Variants in C10orf105 observed in about 807,000 individuals in gnomAD.
C10orf105 encodes uncharacterized protein C10orf105.
In C10orf105, 2 loss-of-function variants were observed where a neutral mutation model predicts 0.6. That is an observed-to-expected ratio of 3.18 (90% CI 1.30 to 10.01). C10orf105 has a LOEUF of 10.01. C10orf105 is among the 30% of genes most tolerant of loss of function. The pLI, the probability that C10orf105 is intolerant of heterozygous loss-of-function variation, is 0.04. For missense variants in C10orf105, 209 were observed against 191.4 expected (o/e 1.09, Z -0.54); for synonymous variants, 95 against 82.4 (o/e 1.15, Z -0.83).
At chr10:71,732,931 A>C (rs548930870) in intron 1 of C10orf105, among the ~76,000 whole-genome samples, 11 of 152,312 alleles carry the variant, frequency 7.2e-5, no homozygotes, top group African/African-American at 2.6e-4. Flanking sequence ...CTCACAGCTC[A>C]GTCCCTCCCA....
chr10:71,713,483 T>C lies in C10orf105; in HGVS notation c.*2453A>G. ...TGCCCACTGGGGCAGGCTCCCGGGC[T>C]TGGGAGGGACAGAAGCGTGGGAGGC... On this transcript the variant is annotated 3_prime_UTR_variant, in exon 2 of 2. Transcript: ENST00000441508. The C allele has an allele frequency of 3.5e-6, 2 of 574,964 alleles. No individual in the cohort carries two copies. The highest frequency in any genetic ancestry group is 3.1e-6 in the Non-Finnish European group (1 of 322,644). The allele number at this position is 574,964 out of a possible 1,614,324, so 35.6% of individuals were successfully genotyped here.
intron 1 of C10orf105, among the ~76,000 whole-genome samples, chr10:71,726,300 A>G (rs967781032): frequency 6.6e-6 from 1 of 152,112 alleles, no homozygotes; most frequent in Non-Finnish European, 1.5e-5. Flanking sequence ...CAGAGCAAGC[A>G]GGGACTTTCA....
Position 71,715,988 on chromosome 10 carries a change from C to G in C10orf105, c.350G>C (p.Gly117Ala), listed in dbSNP as rs765946262. ...ACAGTGGCTGCGGTTGTCCTCGGGGCCCGGCAGGGGCTGTCGAGGGACGGT... is the reference window on the plus strand; with the variant it reads ...ACAGTGGCTGCGGTTGTCCTCGGGGGCCGGCAGGGGCTGTCGAGGGACGGT... ...RPTVPRQPLP[G>A]PEDNRSHCDY... Residue 117 changes from glycine to alanine, a missense_variant, in exon 2 of 2, where the codon GGC (glycine) becomes GCC (alanine). Transcript: ENST00000441508. 2 of 1,493,846 alleles carry G rather than the reference C, an allele frequency of 1.3e-6. No homozygotes were observed. Among genetic ancestry groups the G allele is most frequent in the Admixed American group, 4.9e-5 (2 of 40,422 alleles). The allele number at this position is 1,493,846 out of a possible 1,614,324, so 92.5% of individuals were successfully genotyped here.
intron 1 of C10orf105, chr10:71,734,545 G>T (rs759770181): frequency 6.2e-7 from 1 of 1,605,808 alleles, no homozygotes; most frequent in East Asian, 2.2e-5. Context: ...GTGGAGGGTG[G>T]CACCTCCAGA....
intron 1 of C10orf105, among the ~76,000 whole-genome samples, chr10:71,731,329 T>C (rs1219242975): frequency 6.6e-6 from 1 of 152,172 alleles, no homozygotes; most frequent in African/African-American, 2.4e-5. Context: ...CTCAGCATCC[T>C]CAGATTATCT....
upstream of C10orf105, chr10:71,724,054 A>G (rs1474336814): frequency 6.4e-7 from 1 of 1,559,790 alleles, no homozygotes; most frequent in African/African-American, 1.4e-5. Context: ...GCTGAAAGCC[A>G]CGGACGCAGA....
At chr10:71,721,890 A>G (rs1463891014), upstream of C10orf105, among the ~76,000 whole-genome samples, 7 of 152,154 alleles carry the variant, frequency 4.6e-5, no homozygotes, top group Non-Finnish European at 5.9e-5. Flanking sequence ...TAGCCTCCCC[A>G]GCTGCCTCTA....
chr10:71,728,159 A>T (rs1042989904), intron 1 of C10orf105, among the ~76,000 whole-genome samples: 1 of 152,168 alleles, frequency 6.6e-6, no homozygotes, highest in East Asian at 1.9e-4. Flanking sequence ...GTTTACCGAA[A>T]AAGAGTTCCT....
upstream of C10orf105, among the ~76,000 whole-genome samples, chr10:71,720,057 G>T (rs1866479571): frequency 6.6e-6 from 1 of 152,232 alleles, no homozygotes; most frequent in Non-Finnish European, 1.5e-5. Flanking sequence ...CCTGTCGGAA[G>T]TTTGAATGGT....
intron 1 of C10orf105, among the ~76,000 whole-genome samples, chr10:71,735,193 T>C (rs1288733418): frequency 6.6e-6 from 1 of 152,118 alleles, no homozygotes; most frequent in Non-Finnish European, 1.5e-5. Flanking sequence ...CTCCCTCTCC[T>C]GGGGGTTGGT....
intron 1 of C10orf105, among the ~76,000 whole-genome samples, chr10:71,726,406 C>G (rs1388474861): frequency 6.6e-6 from 1 of 152,150 alleles, no homozygotes; most frequent in South Asian, 2.1e-4. Context: ...CGGGTACTCA[C>G]GATCACAAAC....
chr10:71,719,473 C>T (rs2132784743), intron 1 of C10orf105, among the ~76,000 whole-genome samples, 154 bp downstream of exon 1: 1 of 152,298 alleles, frequency 6.6e-6, no homozygotes, highest in Admixed American at 6.5e-5. Flanking sequence ...TCGGGCTAGT[C>T]CCTACCCCTT....
chr10:71,719,792 C>A (rs1471632111), upstream of C10orf105: 1 of 152,562 alleles, frequency 6.6e-6, no homozygotes, highest in African/African-American at 2.4e-5. Flanking sequence ...CTCCCCGTCA[C>A]TCCCCAGCTG....
intron 1 of C10orf105, among the ~76,000 whole-genome samples, chr10:71,727,631 A>G (rs943911593): frequency 6.6e-6 from 1 of 152,100 alleles, no homozygotes; most frequent in Admixed American, 6.5e-5. Flanking sequence ...GTCCCCTTAG[A>G]GACTGGGTGT....
At chr10:71,734,118 G>C in intron 1 of C10orf105, 1 of 788,344 alleles carries the variant, frequency 1.3e-6, no homozygotes, top group Non-Finnish European at 2.2e-6. Flanking sequence ...TCAACAGACA[G>C]AGTGTCCTGG....
At chr10:71,726,740 G>A (rs1866828966) in intron 1 of C10orf105, among the ~76,000 whole-genome samples, 1 of 152,206 alleles carries the variant, frequency 6.6e-6, no homozygotes, top group Admixed American at 6.5e-5. Context: ...CTACTTCAGG[G>A]CACAGAGTGA....
In C10orf105 at chr10:71,713,270, GC is replaced by G; in HGVS notation, c.*2665del. The G allele has an allele frequency of 1.3e-6, 1 of 779,460 alleles. No homozygotes were observed. The allele number at this position is 779,460 out of a possible 1,614,324, so 48.3% of individuals were successfully genotyped here. Reference sequence around the variant, plus strand: ...AAGAAAGGGCTCCTTTGCCCAGGGAGCAGGCGCAACAGCTCCAAGGCTCAGA... The same window carrying G: ...AAGAAAGGGCTCCTTTGCCCAGGGAGAGGCGCAACAGCTCCAAGGCTCAGA... On this transcript the variant is annotated 3_prime_UTR_variant, in exon 2 of 2. Coordinates refer to ENST00000441508, the MANE Select transcript of C10orf105 (RefSeq NM_001164375.3).
chr10:71,718,391 C>G (rs1268023705), intron 1 of C10orf105, among the ~76,000 whole-genome samples: 1 of 142,144 alleles, frequency 7.0e-6, no homozygotes, highest in Non-Finnish European at 1.5e-5. Context: ...CCCAGCACTT[C>G]CAGGCAGAAA....
Position 71,712,771 on chromosome 10 carries a change from C to T in C10orf105, c.*3165G>A, listed in dbSNP as rs1866029830. On this transcript the variant is annotated 3_prime_UTR_variant, in exon 2 of 2. Coordinates refer to ENST00000441508, the MANE Select transcript of C10orf105 (RefSeq NM_001164375.3). ...TCTTTCTGCAGAGCAGCTATGAGGC[C>T]AGCGTCCCTGAGGACATCCCTGAAG... 3.7e-6 allele frequency: 6 copies of T among 1,613,096 alleles called. No homozygotes were observed. Among genetic ancestry groups the T allele is most frequent in the Admixed American group, 1.7e-5 (1 of 59,952 alleles).
Sources: allele counts gnomAD v4.1 joint callset (sites outside exome capture counted in the v4.1 genomes callset), GRCh38; gene constraint gnomAD v4.1.1; transcripts MANE v1.5; gene names NCBI Gene and HGNC (gene_info 2026-07-23, HGNC 2026-07-21).